GALNT13: variants seen among roughly 807,000 people sequenced by gnomAD.
GALNT13 encodes polypeptide N-acetylgalactosaminyltransferase 13.
GALNT13 carries 28 observed loss-of-function variants against 64.2 expected under a neutral mutation model. The ratio of observed to expected loss-of-function variants is 0.44; its 90% CI spans 0.32 to 0.60. The LOEUF (loss-of-function observed/expected upper bound fraction) is 0.60, where lower values mean the gene tolerates loss of function less well. Among genes scored for constraint, GALNT13 ranks in the 20% least tolerant of loss-of-function variants. The pLI is 0.05. For missense variants in GALNT13, 577 were observed against 669.8 expected (o/e 0.86, Z 1.53); for synonymous variants, 214 against 224.6 (o/e 0.95, Z 0.42).
chr2:154,350,352 G>A (rs146943656), intron 9 of GALNT13, among the ~76,000 whole-genome samples: 260 of 152,282 alleles, frequency 1.7e-3, no homozygotes, highest in African/African-American at 6.0e-3. Context: ...GGAAGGACTA[G>A]ACTGGCTGAC....
the GALNT13 span, among the ~76,000 whole-genome samples, chr2:153,433,145 CTATT>C: frequency 6.6e-6 from 1 of 151,902 alleles, no homozygotes; most frequent in African/African-American, 2.4e-5. Flanking sequence ...AATGAAGAGA[CTATT>C]TATTCTAAGA....
At chr2:154,439,817 G>T (rs754835053) in intron 12 of GALNT13, among the ~76,000 whole-genome samples, 2 of 152,106 alleles carry the variant, frequency 1.3e-5, no homozygotes, top group Admixed American at 1.3e-4. Flanking sequence ...GTGTTACCAG[G>T]ATCTTAGGAC....
chr2:154,115,222 G>T (rs1002235993), intron 3 of GALNT13, among the ~76,000 whole-genome samples: 2 of 152,116 alleles, frequency 1.3e-5, no homozygotes, highest in Non-Finnish European at 2.9e-5. Flanking sequence ...CTCACTCAGT[G>T]TGGGACATAT....
chr2:153,961,206 C>A (rs1003975091), intron 3 of GALNT13, among the ~76,000 whole-genome samples: 3 of 152,032 alleles, frequency 2.0e-5, no homozygotes, highest in African/African-American at 7.2e-5. Context: ...AGGAAGAATA[C>A]ATATTTTTGT....
chr2:153,672,843 C>A, the GALNT13 span, among the ~76,000 whole-genome samples: 10 of 149,676 alleles, frequency 6.7e-5, no homozygotes, highest in South Asian at 2.2e-3. Context: ...AGAGAAGAAT[C>A]AACCAGACAC....
intron 11 of GALNT13, among the ~76,000 whole-genome samples, chr2:154,426,088 A>G (rs1471535503): frequency 6.6e-6 from 1 of 152,174 alleles, no homozygotes; most frequent in Non-Finnish European, 1.5e-5. Context: ...CACAGCTGAA[A>G]TATAGGTGTT....
chr2:153,871,646 C>T (rs1685943297), upstream of GALNT13, among the ~76,000 whole-genome samples: 1 of 152,198 alleles, frequency 6.6e-6, no homozygotes, highest in Non-Finnish European at 1.5e-5. Context: ...CAGGGTTGCT[C>T]TTGGGGGCCG....
At chr2:153,981,225 T>A (rs1035962856) in intron 3 of GALNT13, among the ~76,000 whole-genome samples, 3 of 152,194 alleles carry the variant, frequency 2.0e-5, no homozygotes, top group Non-Finnish European at 4.4e-5. Context: ...ATAGTTTTTT[T>A]ATTATACTTT....
At chr2:154,182,806 C>T (rs2105734335) in intron 4 of GALNT13, among the ~76,000 whole-genome samples, 1 of 151,752 alleles carries the variant, frequency 6.6e-6, no homozygotes, top group African/African-American at 2.4e-5. Flanking sequence ...TTTGGAAGGC[C>T]CAAAGCTAGA....
At chr2:154,219,145 A>G (rs1034907471) in intron 4 of GALNT13, among the ~76,000 whole-genome samples, 1 of 152,094 alleles carries the variant, frequency 6.6e-6, no homozygotes, top group African/African-American at 2.4e-5. Context: ...CTATTTTAAT[A>G]ATGATGATAA....
chr2:154,229,737 G>C (rs1434749896), intron 4 of GALNT13, among the ~76,000 whole-genome samples: 1 of 152,050 alleles, frequency 6.6e-6, no homozygotes, highest in Non-Finnish European at 1.5e-5. Context: ...CAGCTAGAAA[G>C]AGTTAAAAGC....
the GALNT13 span, among the ~76,000 whole-genome samples, chr2:153,821,144 G>A: frequency 6.6e-6 from 1 of 152,038 alleles, no homozygotes; most frequent in Non-Finnish European, 1.5e-5. Context: ...CAATGATAGT[G>A]GGGAGCTTCA....
At chr2:153,687,224 C>A in the GALNT13 span, among the ~76,000 whole-genome samples, 1 of 151,952 alleles carries the variant, frequency 6.6e-6, no homozygotes, top group African/African-American at 2.4e-5. Context: ...ATGGTACCAG[C>A]TCTTCTTTGT....
chr2:153,364,372 T>C, the GALNT13 span, among the ~76,000 whole-genome samples: 2 of 151,808 alleles, frequency 1.3e-5, no homozygotes, highest in Non-Finnish European at 2.9e-5. Flanking sequence ...AACATACTAT[T>C]GGAAGTTCTG....
chr2:153,858,267 A>G, the GALNT13 span, among the ~76,000 whole-genome samples: 1 of 152,198 alleles, frequency 6.6e-6, no homozygotes, highest in African/African-American at 2.4e-5. Context: ...TTTGATAACT[A>G]GCATGGAGGC....
At chr2:153,702,500 C>T in the GALNT13 span, among the ~76,000 whole-genome samples, 13 of 151,772 alleles carry the variant, frequency 8.6e-5, no homozygotes, top group African/African-American at 2.2e-4. Context: ...AGCTTAGGCC[C>T]GTATGGTAAA....
chr2:154,259,041 G>A lies in GALNT13; in HGVS notation c.878G>A (p.Gly293Asp). The A allele has an allele frequency of 6.3e-7, 1 of 1,598,138 alleles. No individual in the cohort carries two copies. Among genetic ancestry groups the A allele is most frequent in the Non-Finnish European group, 8.6e-7 (1 of 1,167,574 alleles). Reference protein sequence around the residue: ...LPVRTPTMAGGLFSIDRNYFE... With the variant: ...LPVRTPTMAGDLFSIDRNYFE... Reference sequence around the variant, plus strand: ...ACTAGGACCCCTACTATGGCTGGTGGCCTATTTTCTATTGACAGAAACTAC... The same window carrying A: ...ACTAGGACCCCTACTATGGCTGGTGACCTATTTTCTATTGACAGAAACTAC... The change falls in exon 8 of 13, where the codon GGC becomes GAC. Residue 293 changes from glycine to aspartate, a missense_variant. Physicochemically the swap from Gly to Asp is moderately conservative, Grantham distance 94 (BLOSUM62 -1). Around this residue, in one of 3 missense-constraint regions of GALNT13, gnomAD observed 341 missense variants for 379.3 expected, o/e 0.90. Transcript: ENST00000392825.
the GALNT13 span, among the ~76,000 whole-genome samples, chr2:153,299,590 C>T: frequency 6.6e-6 from 1 of 152,202 alleles, no homozygotes; most frequent in Non-Finnish European, 1.5e-5. Flanking sequence ...TAGCCAGTCT[C>T]TCTCTCTTCC....
intron 11 of GALNT13, among the ~76,000 whole-genome samples, chr2:154,421,218 A>G (rs73003045): frequency 0.03 from 4,502 of 152,222 alleles, 209 homozygotes; most frequent in African/African-American, 0.1. Context: ...TATATTTTAT[A>G]GCACAAAATA....
Sources: allele counts gnomAD v4.1 joint callset (sites outside exome capture counted in the v4.1 genomes callset), GRCh38; gene constraint gnomAD v4.1.1; regional missense constraint gnomAD v4.1.1; transcripts MANE v1.5; gene names NCBI Gene and HGNC (gene_info 2026-07-23, HGNC 2026-07-21).